Variants in PTPRT observed in about 807,000 individuals in gnomAD.
The protein encoded by PTPRT is protein tyrosine phosphatase receptor type T.
In PTPRT, 56 loss-of-function variants were observed where a neutral mutation model predicts 176.8. The observed-to-expected ratio is 0.32, with a 90% CI of 0.26 to 0.40. PTPRT has a LOEUF of 0.40. Among genes scored for constraint, PTPRT ranks in the 10% least tolerant of loss-of-function variants. The pLI is 1.00. For missense variants in PTPRT, 1,540 were observed against 1,908.2 expected (o/e 0.81, Z 3.60); for synonymous variants, 783 against 739.0 (o/e 1.06, Z -0.96).
At chr20:42,628,210 A>T (rs762663253) in intron 7 of PTPRT, among the ~76,000 whole-genome samples, 1 of 152,168 alleles carries the variant, frequency 6.6e-6, no homozygotes, top group Non-Finnish European at 1.5e-5. Flanking sequence ...GTGGGTTGTT[A>T]TAAGGAGGCA....
At chr20:42,199,168 G>A (rs1991348300) in intron 16 of PTPRT, 72 bp downstream of exon 16, 2 of 1,533,364 alleles carry the variant, frequency 1.3e-6, no homozygotes, top group Admixed American at 1.8e-5. Flanking sequence ...TCAATGTGTG[G>A]GGTTCACAGC....
intron 1 of PTPRT, among the ~76,000 whole-genome samples, chr20:42,996,071 T>G (rs1346397393): frequency 6.6e-6 from 1 of 152,174 alleles, no homozygotes; most frequent in Admixed American, 6.5e-5. Context: ...CTTAACACAG[T>G]TCCCTCTCTG....
chr20:42,607,283 T>C (rs2073895909), intron 7 of PTPRT: 1 of 152,118 alleles, frequency 6.6e-6, no homozygotes, highest in Non-Finnish European at 1.5e-5. Flanking sequence ...GGTTGCACAT[T>C]ATCAATGTAT....
chr20:42,987,495 T>C (rs1983664099), intron 1 of PTPRT, among the ~76,000 whole-genome samples: 1 of 152,192 alleles, frequency 6.6e-6, no homozygotes, highest in Non-Finnish European at 1.5e-5. Flanking sequence ...CTGCCAGACC[T>C]GCATGGTCTC....
chr20:43,171,024 C>T (rs2014984918), intron 1 of PTPRT, among the ~76,000 whole-genome samples: 1 of 152,198 alleles, frequency 6.6e-6, no homozygotes, highest in African/African-American at 2.4e-5. Context: ...CATAACCTCA[C>T]TAAGACTGCA....
chr20:42,084,060 G>T (rs935806428), intron 29 of PTPRT, among the ~76,000 whole-genome samples: 5 of 152,236 alleles, frequency 3.3e-5, no homozygotes. Flanking sequence ...AAGGTCTGAA[G>T]ATTGTCTAAT....
At chr20:43,026,331 T>C (rs1364672618) in intron 1 of PTPRT, among the ~76,000 whole-genome samples, 2 of 152,180 alleles carry the variant, frequency 1.3e-5, no homozygotes, top group African/African-American at 4.8e-5. Context: ...TTGGCCAGGC[T>C]GGTCTCAAAC....
intron 6 of PTPRT, among the ~76,000 whole-genome samples, chr20:42,740,419 T>C (rs1196097288): frequency 6.6e-6 from 1 of 152,156 alleles, no homozygotes; most frequent in Non-Finnish European, 1.5e-5. Context: ...GGGTCCAGGC[T>C]GAGAATGGCT....
chr20:43,121,286 T>G (rs1235786080), intron 1 of PTPRT, among the ~76,000 whole-genome samples: 1 of 152,234 alleles, frequency 6.6e-6, no homozygotes, highest in Non-Finnish European at 1.5e-5. Context: ...CAGTCTTTGG[T>G]TCTTACAAAT....
At chr20:42,471,653 T>C (rs1338896678) in intron 8 of PTPRT, among the ~76,000 whole-genome samples, 2 of 151,970 alleles carry the variant, frequency 1.3e-5, no homozygotes, top group African/African-American at 4.8e-5. Context: ...GTTTTTTTTG[T>C]TTTGTTTTGT....
intron 11 of PTPRT, among the ~76,000 whole-genome samples, chr20:42,324,018 T>A (rs1405003035): frequency 6.6e-6 from 1 of 152,210 alleles, no homozygotes; most frequent in Non-Finnish European, 1.5e-5. Flanking sequence ...CATTTCTACC[T>A]ATCTATCCAA....
chr20:42,604,156 C>T (rs1180380535), intron 7 of PTPRT, among the ~76,000 whole-genome samples: 1 of 152,182 alleles, frequency 6.6e-6, no homozygotes, highest in Non-Finnish European at 1.5e-5. Flanking sequence ...TCAGAACTCC[C>T]ACTGAAGCTG....
intron 2 of PTPRT, among the ~76,000 whole-genome samples, chr20:42,874,169 G>A (rs552382132): frequency 1.4e-4 from 21 of 152,198 alleles, no homozygotes; most frequent in African/African-American, 5.1e-4. Context: ...CTCTCCGGCT[G>A]CCCTGGGAGT....
chr20:42,274,583 G>GTGTGTGTA (rs2056996440), intron 13 of PTPRT, among the ~76,000 whole-genome samples: 1 of 146,452 alleles, frequency 6.8e-6, no homozygotes. Flanking sequence ...GTGTGTGTGT[G>GTGTGTGTA]TGTGTGTGTT....
At chr20:42,956,363 C>T (rs1981635428) in intron 1 of PTPRT, among the ~76,000 whole-genome samples, 1 of 152,030 alleles carries the variant, frequency 6.6e-6, no homozygotes. Context: ...TCACAAGATC[C>T]AGTTGTTTGA....
chr20:43,107,587 C>T (rs995733133), intron 1 of PTPRT, among the ~76,000 whole-genome samples: 2 of 152,180 alleles, frequency 1.3e-5, no homozygotes, highest in Non-Finnish European at 2.9e-5. Flanking sequence ...TCTCAATAGG[C>T]AGATGGAGTC....
intron 11 of PTPRT, among the ~76,000 whole-genome samples, chr20:42,342,504 G>A (rs150592804): frequency 6.6e-6 from 1 of 152,248 alleles, no homozygotes; most frequent in African/African-American, 2.4e-5. Context: ...CAGAGAACTG[G>A]GGAACTAAGT....
At chr20:42,038,901 G>A in the PTPRT span, among the ~76,000 whole-genome samples, 1 of 152,140 alleles carries the variant, frequency 6.6e-6, no homozygotes, top group Non-Finnish European at 1.5e-5. Flanking sequence ...TCACCAGTGG[G>A]CATTATTAGG....
chr20:42,558,532 G>C (rs2072899295), intron 7 of PTPRT, among the ~76,000 whole-genome samples: 1 of 152,040 alleles, frequency 6.6e-6, no homozygotes, highest in Non-Finnish European at 1.5e-5. Context: ...AGGTCTTTGA[G>C]GAATTGCCAC....
Sources: allele counts gnomAD v4.1 joint callset (sites outside exome capture counted in the v4.1 genomes callset), GRCh38; gene constraint gnomAD v4.1.1; transcripts MANE v1.5; gene names NCBI Gene and HGNC (gene_info 2026-07-23, HGNC 2026-07-21).